The following CHRM3 variants were observed in gnomAD, a reference collection of about 807,000 sequenced individuals.
CHRM3 encodes muscarinic acetylcholine receptor M3.
CHRM3 carries 11 observed loss-of-function variants against 41.8 expected under a neutral mutation model. That is an observed-to-expected ratio of 0.26 (90% confidence interval 0.17 to 0.44). The LOEUF (loss-of-function observed/expected upper bound fraction) is 0.44, where lower values mean the gene tolerates loss of function less well. Ranked by LOEUF, CHRM3 falls within the 20% of genes least tolerant of loss-of-function variation. CHRM3 has a pLI of 1.00. For synonymous variants in CHRM3, 297 were observed against 301.4 expected, an observed-to-expected ratio of 0.99 and a Z score of 0.15; for missense variants, 571 against 745.4, an observed-to-expected ratio of 0.77 and a Z score of 2.72.
At chr1:239,811,822 A>C (rs1671140252) in intron 5 of CHRM3, among the ~76,000 whole-genome samples, 1 of 152,154 alleles carries the variant, frequency 6.6e-6, no homozygotes, top group Non-Finnish European at 1.5e-5. Flanking sequence ...TACTTTAAGC[A>C]GCACAGTTTG....
At position 239,914,282 on chromosome 1, in the gene CHRM3, C is replaced by G. The variant is rs1045322268; in HGVS notation, c.*5058C>G. On this transcript the variant is annotated 3_prime_UTR_variant, in exon 7 of 7. Coordinates refer to ENST00000676153, the MANE Select transcript of CHRM3 (RefSeq NM_001375978.1). Reference sequence around the variant, plus strand: ...TTGGGTCTTATTCATCACTCTGTATCCTGTGGCTCACACAGAATCTGGCAA... The same window carrying G: ...TTGGGTCTTATTCATCACTCTGTATGCTGTGGCTCACACAGAATCTGGCAA... 8 of 166,996 alleles carry G rather than the reference C, an allele frequency of 4.8e-5. No homozygotes were observed. Among genetic ancestry groups the G allele is most frequent in the Non-Finnish European group, 8.8e-5 (6 of 68,114 alleles). 10.3% of individuals were successfully genotyped at this position (166,996 alleles called of 1,614,324 possible). A position where few individuals can be genotyped will look rare whatever the true frequency, so the allele number is the denominator to read the frequency against.
intron 4 of CHRM3, among the ~76,000 whole-genome samples, chr1:239,651,064 ATAG>A (rs1187049929): frequency 6.6e-6 from 1 of 152,240 alleles, no homozygotes; most frequent in Non-Finnish European, 1.5e-5. Flanking sequence ...TGCCTGGAAC[ATAG>A]TAGATGTTGA....
chr1:239,499,531 G>A (rs898011741), intron 2 of CHRM3, among the ~76,000 whole-genome samples: 2 of 152,122 alleles, frequency 1.3e-5, no homozygotes, highest in Non-Finnish European at 2.9e-5. Flanking sequence ...GATTGTTCAA[G>A]ACTCAGTAAA....
At chr1:239,531,686 G>T (rs150171339) in intron 2 of CHRM3, among the ~76,000 whole-genome samples, 2 of 103,012 alleles carry the variant, frequency 1.9e-5, no homozygotes, top group Non-Finnish European at 3.4e-5. Context: ...TGGAGGCAGA[G>T]TCTCGCTCTG....
chr1:239,405,993 GT>G (rs1283976770), intron 1 of CHRM3, among the ~76,000 whole-genome samples: 3 of 152,162 alleles, frequency 2.0e-5, no homozygotes, highest in Admixed American at 6.5e-5. Flanking sequence ...CCGGGTTGAA[GT>G]GATTCTCCTG....
chr1:239,466,560 C>T (rs568411220), intron 1 of CHRM3, among the ~76,000 whole-genome samples: 147 of 151,920 alleles, frequency 9.7e-4, no homozygotes, highest in Admixed American at 1.5e-3. Context: ...CCCTAACTCC[C>T]ACATTATTTA....
At chr1:239,553,769 A>T (rs912813039) in intron 3 of CHRM3, among the ~76,000 whole-genome samples, 2 of 152,180 alleles carry the variant, frequency 1.3e-5, no homozygotes, top group Admixed American at 1.3e-4. Flanking sequence ...TGGAGATATA[A>T]TTACCGGTGT....
At position 239,531,167 on chromosome 1, in the gene CHRM3, A is replaced by C. The variant is rs1207701072; in HGVS notation, c.-421-14474A>C. Among the ~76,000 whole-genome samples the C allele has an allele frequency of 2.6e-5, 4 of 152,086 alleles. No homozygotes were observed. In the East Asian group the frequency reaches 7.7e-4, roughly 29 times the overall value. On this transcript the variant is annotated intron_variant, in intron 2 of 6. Coordinates refer to ENST00000676153, the MANE Select transcript of CHRM3 (RefSeq NM_001375978.1). ...ATTTATATGGGAATTCATATGACCC[A>C]TAATAATAATAATAACAATAATGAT...
intron 4 of CHRM3, among the ~76,000 whole-genome samples, chr1:239,636,265 T>G (rs1369885076): frequency 6.6e-6 from 1 of 152,210 alleles, no homozygotes; most frequent in Non-Finnish European, 1.5e-5. Context: ...CATGATAATA[T>G]TCCCTTGATG....
intron 6 of CHRM3, among the ~76,000 whole-genome samples, chr1:239,862,478 C>T (rs537155629): frequency 1.3e-5 from 2 of 151,986 alleles, no homozygotes; most frequent in African/African-American, 2.4e-5. Flanking sequence ...AATGACATTA[C>T]ATTATTTTAA....
chr1:239,669,565 G>C (rs567030817), intron 4 of CHRM3, among the ~76,000 whole-genome samples: 2 of 152,126 alleles, frequency 1.3e-5, no homozygotes, highest in South Asian at 4.2e-4. Flanking sequence ...TGACCTACAC[G>C]TGTCACCCAA....
chr1:239,765,911 G>C (rs933912287), intron 5 of CHRM3, among the ~76,000 whole-genome samples: 1 of 151,350 alleles, frequency 6.6e-6, no homozygotes, highest in African/African-American at 2.4e-5. Context: ...CCACCTTCTG[G>C]GTTCAAGCAA....
chr1:239,449,449 A>G (rs1285803428), intron 1 of CHRM3, among the ~76,000 whole-genome samples: 1 of 152,166 alleles, frequency 6.6e-6, no homozygotes, highest in Non-Finnish European at 1.5e-5. Context: ...GGAGGTGACT[A>G]TGAAGGTCAT....
At chr1:239,875,990 C>T (rs550250223) in intron 6 of CHRM3, among the ~76,000 whole-genome samples, 43 of 152,290 alleles carry the variant, frequency 2.8e-4, no homozygotes, top group African/African-American at 9.6e-4. Flanking sequence ...TAATAGACTA[C>T]ACCTCAATCC....
At chr1:239,611,482 G>A (rs541094471) in intron 3 of CHRM3, among the ~76,000 whole-genome samples, 10 of 145,530 alleles carry the variant, frequency 6.9e-5, no homozygotes, top group South Asian at 6.6e-4. Context: ...GTGCTGTGGC[G>A]CGATCTTGGC....
chr1:239,579,822 C>A (rs571347274), intron 3 of CHRM3, among the ~76,000 whole-genome samples: 23 of 152,234 alleles, frequency 1.5e-4, no homozygotes, highest in Middle Eastern at 3.4e-3. Context: ...ATTCATTCAT[C>A]TTCACATACA....
intron 6 of CHRM3, among the ~76,000 whole-genome samples, chr1:239,870,642 A>G (rs1572545457): frequency 1.3e-5 from 2 of 151,986 alleles, no homozygotes; most frequent in African/African-American, 2.4e-5. Context: ...AAACAAAAGT[A>G]CCTCCTCTAT....
At chr1:239,903,438 A>G (rs1383435698) in intron 6 of CHRM3, among the ~76,000 whole-genome samples, 1 of 152,304 alleles carries the variant, frequency 6.6e-6, no homozygotes, top group East Asian at 1.9e-4. Flanking sequence ...AGGCTGTGGA[A>G]TCCCTGAATT....
rs1680477754 is a variant in CHRM3, at chr1:239,913,511, T to C, written c.*4287T>C. ...TCCTTTCTACACGCTTAAGTTACAC[T>C]CTCTTCTCCTGTTCTGATGACTCTA... On this transcript the variant is annotated 3_prime_UTR_variant, in exon 7 of 7. Transcript: ENST00000676153. 1 of 166,902 alleles carries C rather than the reference T, an allele frequency of 6.0e-6. No homozygotes were observed. The highest frequency in any genetic ancestry group is 6.5e-5 in the Admixed American group (1 of 15,282). The allele number at this position is 166,902 out of a possible 1,614,324, so 10.3% of individuals were successfully genotyped here. A position where few individuals can be genotyped will look rare whatever the true frequency, so the allele number is the denominator to read the frequency against.
Sources: allele counts gnomAD v4.1 joint callset (sites outside exome capture counted in the v4.1 genomes callset), GRCh38; gene constraint gnomAD v4.1.1; transcripts MANE v1.5; gene names NCBI Gene and HGNC (gene_info 2026-07-23, HGNC 2026-07-21).